Variants in STAT3 observed in about 807,000 individuals in gnomAD.
STAT3 encodes the protein DNA-binding protein APRF.
A neutral mutation model predicts 114.3 loss-of-function variants in STAT3; 7 were observed. The ratio of observed to expected loss-of-function variants is 0.06; its 90% CI spans 0.03 to 0.11. STAT3 has a LOEUF of 0.11. Ranked by LOEUF, STAT3 falls within the 10% of genes least tolerant of loss-of-function variation. The pLI is 1.00. For synonymous variants in STAT3, 331 were observed against 354.5 expected (o/e 0.93, Z 0.74); for missense variants, 364 against 960.9 (o/e 0.38, Z 8.21).
intron 1 of STAT3, among the ~76,000 whole-genome samples, chr17:42,353,358 AAAAGAAAG>A (rs200239374): frequency 4.8e-5 from 7 of 147,248 alleles, no homozygotes; most frequent in African/African-American, 9.9e-5. Context: ...AAAAAAAAAA[AAAAGAAAG>A]AAAGAAAGAA....
intron 1 of STAT3, chr17:42,387,912 C>T (rs935606464): frequency 5.0e-6 from 1 of 201,832 alleles, no homozygotes; most frequent in Non-Finnish European, 9.9e-6. Context: ...CGCCGGTGAT[C>T]CCCGTCGGCG....
At chr17:42,338,900 T>C (rs906127195) in intron 5 of STAT3, 88 bp from the exon 6 acceptor site, 1 of 1,252,966 alleles carries the variant, frequency 8.0e-7, no homozygotes, top group African/African-American at 1.5e-5. Context: ...AGAATTCAAA[T>C]GAAGCCAAAA....
intron 1 of STAT3, among the ~76,000 whole-genome samples, chr17:42,353,080 G>T (rs2083047587): frequency 6.6e-6 from 1 of 152,126 alleles, no homozygotes; most frequent in Non-Finnish European, 1.5e-5. Flanking sequence ...GGGCATGGTG[G>T]CTCATGCCTG....
At chr17:42,315,847 A>G in intron 23 of STAT3, 47 bp from the exon 24 acceptor site, 1 of 1,613,586 alleles carries the variant, frequency 6.2e-7, no homozygotes, top group Non-Finnish European at 8.5e-7. Flanking sequence ...CACCCTCTGC[A>G]ACTGGCAGGC....
intron 4 of STAT3, among the ~76,000 whole-genome samples, chr17:42,340,484 T>C (rs1004964173): frequency 4.7e-5 from 7 of 147,880 alleles, no homozygotes; most frequent in Admixed American, 6.8e-5. Context: ...CCAGGGAACA[T>C]AGAAAGAGAC....
intron 8 of STAT3, 89 bp from the exon 9 acceptor site, chr17:42,334,138 G>A: frequency 1.4e-6 from 2 of 1,464,692 alleles, no homozygotes; most frequent in South Asian, 1.1e-5. Context: ...AAGACATGGA[G>A]ACCACTACAA....
chr17:42,352,663 A>G (rs2083026566), intron 1 of STAT3, among the ~76,000 whole-genome samples: 1 of 152,154 alleles, frequency 6.6e-6, no homozygotes, highest in African/African-American at 2.4e-5. Flanking sequence ...AAAAAAAAAA[A>G]AAAAAAATCT....
Position 42,323,245 on chromosome 17 carries a change from C to A in STAT3, c.1748+15G>T, listed in dbSNP as rs2144697020. 6.2e-7 allele frequency: 1 copy of A among 1,614,218 alleles called. No homozygotes were observed. On this transcript the variant is annotated intron_variant, in intron 19 of 23. Transcript: ENST00000264657. ...GGGGACTTGGTTACATCTGTGCACA[C>A]TCTGTCCAACCTACCCTTCGTTCCA...
At chr17:42,373,551 A>AAAAAT (rs1326045962) in intron 1 of STAT3, among the ~76,000 whole-genome samples, 1 of 152,044 alleles carries the variant, frequency 6.6e-6, no homozygotes, top group South Asian at 2.1e-4. Context: ...ACTCTGCCTC[A>AAAAAT]AAAATAAAAT....
At position 42,337,705 on chromosome 17, in the gene STAT3, C is replaced by T. The variant is rs1373284585; in HGVS notation, c.645+58G>A. ...ACCAAGCAAGTTCTGCCACAAGACGCTGAAATCCCGCAAGTGAGCGAGACA... is the reference window on the plus strand; with the variant it reads ...ACCAAGCAAGTTCTGCCACAAGACGTTGAAATCCCGCAAGTGAGCGAGACA... On this transcript the variant is annotated intron_variant, in intron 7 of 23. Transcript: ENST00000264657. This position sits in a 1 kb window ranked among gnomAD's most constrained non-coding sequence, Gnocchi z 4.0. 4 of 1,613,522 alleles carry T rather than the reference C, an allele frequency of 2.5e-6. No homozygotes were observed. The Admixed American group carries it at 6.7e-5, about 27-fold the overall frequency.
Position 42,388,274 on chromosome 17 carries a change from T to A in STAT3, c.-24+5A>T, listed in dbSNP as rs1222481585. 8.1e-7 allele frequency: 1 copy of A among 1,231,544 alleles called. No homozygotes were observed. The highest frequency in any genetic ancestry group is 1.6e-5 in the African/African-American group (1 of 64,470). The allele number at this position is 1,231,544 out of a possible 1,614,324, so 76.3% of individuals were successfully genotyped here. On this transcript the variant is annotated splice_donor_5th_base_variant and intron_variant, in intron 1 of 23. Coordinates refer to ENST00000264657, the MANE Select transcript of STAT3 (RefSeq NM_139276.3). ...CCCAACGGCCCCACCCTGCACCCCC[T>A]TCACCTGTTTCTCCGGCAGAGGCCG...
chr17:42,368,993 C>T (rs60664220), intron 1 of STAT3, among the ~76,000 whole-genome samples: 137,140 of 152,052 alleles, frequency 0.9, 63,586 homozygotes, highest in East Asian at 1. Flanking sequence ...AGTGAGAACA[C>T]GTGGTCTTCG....
Position 42,315,581 on chromosome 17 carries a change from A to C in STAT3, c.*164T>G, listed in dbSNP as rs998394512. 1.4e-6 allele frequency: 1 copy of C among 706,080 alleles called. No individual in the cohort carries two copies. Among genetic ancestry groups the C allele is most frequent in the African/African-American group, 1.8e-5 (1 of 56,336 alleles). 43.7% of individuals were successfully genotyped at this position (706,080 alleles called of 1,614,324 possible). A position where few individuals can be genotyped will look rare whatever the true frequency, so the allele number is the denominator to read the frequency against. On this transcript the variant is annotated 3_prime_UTR_variant, in exon 24 of 24. Transcript: ENST00000264657. ...ACATTCACTCATTTCTCTATTTTTA[A>C]AAGTGCCCAGATTGCTCAAAGATAG...
At chr17:42,334,303 T>G (rs888305125) in intron 8 of STAT3, among the ~76,000 whole-genome samples, 10 of 151,906 alleles carry the variant, frequency 6.6e-5, no homozygotes, top group Non-Finnish European at 1.0e-4. Context: ...AGAAAATAAT[T>G]TATTTATTTA....
In STAT3 at chr17:42,333,867, A is replaced by G. The variant is rs774001403; in HGVS notation, c.956+24T>C. On this transcript the variant is annotated intron_variant, in intron 9 of 23. Coordinates refer to ENST00000264657, the MANE Select transcript of STAT3 (RefSeq NM_139276.3). The surrounding 1 kb of genome is among the most constrained non-coding windows in gnomAD (Gnocchi z 5.2). Reference sequence around the variant, plus strand: ...TCTTTAGGTATTTTTTAGATGAGGGAAAGGGACAAGGATGCTAAATTACCT... The same window carrying G: ...TCTTTAGGTATTTTTTAGATGAGGGGAAGGGACAAGGATGCTAAATTACCT... 6.2e-7 allele frequency: 1 copy of G among 1,614,184 alleles called. No homozygotes were observed. Among genetic ancestry groups the G allele is most frequent in the Non-Finnish European group, 8.5e-7 (1 of 1,180,028 alleles).
chr17:42,339,536 G>C (rs1197558918), intron 4 of STAT3, 127 bp from the exon 5 acceptor site: 2 of 894,434 alleles, frequency 2.2e-6, no homozygotes, highest in Non-Finnish European at 3.6e-6. Flanking sequence ...CATCACAAGA[G>C]GAAGGGAAAC....
chr17:42,365,067 TCTCTCATTATGCCC>T (rs2083705312), intron 1 of STAT3, among the ~76,000 whole-genome samples: 1 of 152,108 alleles, frequency 6.6e-6, no homozygotes, highest in African/African-American at 2.4e-5. Context: ...GGCCCTAAAT[TCTCTCATTATGCCC>T]CACTCTCTGA....
chr17:42,358,594 C>A (rs2083343722), intron 1 of STAT3, among the ~76,000 whole-genome samples: 1 of 152,176 alleles, frequency 6.6e-6, no homozygotes, highest in Admixed American at 6.5e-5. Context: ...CAGATGACCT[C>A]CCCACTTGGG....
At position 42,323,371 on chromosome 17, in the gene STAT3, T is replaced by C; in HGVS notation, c.1654-17A>G. The C allele has an allele frequency of 6.2e-7, 1 of 1,613,788 alleles. No homozygotes were observed. Among genetic ancestry groups the C allele is most frequent in the Non-Finnish European group, 8.5e-7 (1 of 1,179,772 alleles). On this transcript the variant is annotated splice_polypyrimidine_tract_variant and intron_variant, in intron 18 of 23. Transcript: ENST00000264657. ...CATGTTTTCCTGGAGAAAAGAGTAA[T>C]GGGAAAGCCAAGTCTACTGCCATCC...
Sources: gnomAD v4.1 joint callset for allele counts (sites outside exome capture counted in the v4.1 genomes callset) on GRCh38, gnomAD v4.1.1 for gene constraint, Gnocchi (gnomAD v3.1) non-coding constraint, MANE v1.5 for transcripts, NCBI Gene and HGNC (gene_info 2026-07-23, HGNC 2026-07-21) for gene names.